TOM1: variants seen among roughly 807,000 people sequenced by gnomAD.
The protein encoded by TOM1 is target of myb1 membrane trafficking protein, also known as target of Myb protein 1.
TOM1 carries 38 observed loss-of-function variants against 61.3 expected under a neutral mutation model. That is an observed-to-expected ratio of 0.62 (90% confidence interval 0.48 to 0.81). The LOEUF (loss-of-function observed/expected upper bound fraction) is 0.81, where lower values mean the gene tolerates loss of function less well. Ranked by LOEUF, TOM1 falls within the 40% of genes least tolerant of loss-of-function variation. The pLI is 0.00. For synonymous variants in TOM1, 270 were observed against 268.8 expected (o/e 1.00, Z -0.04); for missense variants, 591 against 659.6 (o/e 0.90, Z 1.14).
intron 1 of TOM1, among the ~76,000 whole-genome samples, chr22:35,306,543 G>A (rs1030474738): frequency 3.9e-5 from 6 of 152,146 alleles, no homozygotes; most frequent in African/African-American, 1.4e-4. Context: ...TCTGAGTCCT[G>A]GTTCAGTCCT....
At chr22:35,341,316 C>G (rs1052554772) in intron 12 of TOM1, among the ~76,000 whole-genome samples, 1 of 152,244 alleles carries the variant, frequency 6.6e-6, no homozygotes, top group Non-Finnish European at 1.5e-5. Context: ...CGCAGTACCG[C>G]CATGTCCTCA....
At chr22:35,329,793 G>C (rs1486072939) in intron 7 of TOM1, among the ~76,000 whole-genome samples, 1 of 152,222 alleles carries the variant, frequency 6.6e-6, no homozygotes, top group African/African-American at 2.4e-5. Flanking sequence ...ACGAAGCCAA[G>C]TTAAACCGGC....
At chr22:35,300,911 G>C (rs1925705293) in intron 1 of TOM1, among the ~76,000 whole-genome samples, 1 of 151,858 alleles carries the variant, frequency 6.6e-6, no homozygotes, top group South Asian at 2.1e-4. Context: ...AAAAACAGTT[G>C]TAATATTTAT....
At chr22:35,321,845 C>A in intron 2 of TOM1, 114 bp from the exon 3 acceptor site, 2 of 898,232 alleles carry the variant, frequency 2.2e-6, no homozygotes, top group Non-Finnish European at 3.8e-6. Flanking sequence ...ATACACAAAA[C>A]AGGTGGGGCA....
At chr22:35,299,813 CCACCGCCCCGCCCACGCCTCCT>C, upstream of TOM1, 1 of 1,235,918 alleles carries the variant, frequency 8.1e-7, no homozygotes, top group African/African-American at 1.5e-5. Flanking sequence ...CTTCGCGGTG[CCACCGCCCCGCCCACGCCTCCT>C]CGCCGGCCTC....
At chr22:35,331,314 G>A (rs1270458895) in intron 8 of TOM1, 1 of 446,476 alleles carries the variant, frequency 2.2e-6, no homozygotes, top group South Asian at 1.6e-5. Flanking sequence ...GTCTCACTGT[G>A]TTGCCCAGGC....
At chr22:35,338,950 C>A (rs1178399552) in intron 12 of TOM1, among the ~76,000 whole-genome samples, 162 bp downstream of exon 12, 1 of 152,214 alleles carries the variant, frequency 6.6e-6, no homozygotes, top group Non-Finnish European at 1.5e-5. Context: ...TGTGGTTATT[C>A]CCAGTTTATA....
In TOM1 at chr22:35,323,899, A is replaced by G. The variant is rs1928081034; in HGVS notation, c.633A>G (p.Ala211=). The change falls in exon 6 of 15, where the codon GCA becomes GCG. Residue 211 remains alanine (A), a synonymous_variant. Coordinates refer to ENST00000449058, the MANE Select transcript of TOM1 (RefSeq NM_005488.3). This position sits in a 1 kb window ranked among gnomAD's most constrained non-coding sequence, Gnocchi z 4.2. ...TACTCTCCGGTGACACGCCCATAGC[A>G]CCAACCCCGGAACAGGTAAACGAGC... is the stretch of plus-strand genomic sequence containing the variant. ...PPILSGDTPI[A]PTPEQIGKLR... 6.3e-7 allele frequency: 1 copy of G among 1,577,738 alleles called. No homozygotes were observed. Among genetic ancestry groups the G allele is most frequent in the African/African-American group, 1.3e-5 (1 of 74,074 alleles).
intron 2 of TOM1, among the ~76,000 whole-genome samples, chr22:35,318,899 G>A (rs958286341): frequency 6.6e-6 from 1 of 152,230 alleles, no homozygotes; most frequent in Non-Finnish European, 1.5e-5. Context: ...CTCTCAGCCC[G>A]GGAGGGCTTT....
chr22:35,302,940 C>T (rs980975262), intron 1 of TOM1, among the ~76,000 whole-genome samples: 2 of 152,208 alleles, frequency 1.3e-5, no homozygotes, highest in Admixed American at 6.5e-5. Context: ...GCTTATAATT[C>T]TGTAAACCAG....
Position 35,341,825 on chromosome 22 carries a change from C to T in TOM1, c.1224+3037C>T, listed in dbSNP as rs372713079. ...AAACCGGTTATCACTGATTTATCTC[C>T]GATAACCTGGGAGATTTAAGCCACT... On this transcript the variant is annotated intron_variant, in intron 12 of 14. Coordinates refer to ENST00000449058, the MANE Select transcript of TOM1 (RefSeq NM_005488.3). 3.4e-4 allele frequency among the ~76,000 whole-genome samples: 52 copies of T among 152,274 alleles called. No individual in the cohort carries two copies. The South Asian group carries it at 7.1e-3, about 21-fold the overall frequency.
Position 35,338,799 on chromosome 22 carries a change from G to A in TOM1, c.1224+11G>A. ...CAGAGCACTGGCGCGGTAAGCAGAG[G>A]GGCCATCCTGCCACCCTGGGGCCCT... On this transcript the variant is annotated intron_variant, in intron 12 of 14. Transcript: ENST00000449058. 1.3e-6 allele frequency: 2 copies of A among 1,569,568 alleles called. No homozygotes were observed. The highest frequency in any genetic ancestry group is 1.7e-6 in the Non-Finnish European group (2 of 1,160,870).
At chr22:35,313,556 T>C (rs2145629301) in intron 1 of TOM1, among the ~76,000 whole-genome samples, 1 of 152,318 alleles carries the variant, frequency 6.6e-6, no homozygotes, top group South Asian at 2.1e-4. Flanking sequence ...CAGGCAGTCT[T>C]ATCCTGATTT....
chr22:35,336,593 C>T (rs1284985078), intron 11 of TOM1: 1 of 152,364 alleles, frequency 6.6e-6, no homozygotes, highest in Non-Finnish European at 1.5e-5. Flanking sequence ...TTCACAAAGG[C>T]AGGGGTGTCC....
chr22:35,335,891 C>T (rs1291310732), intron 11 of TOM1: 1 of 153,724 alleles, frequency 6.5e-6, no homozygotes, highest in African/African-American at 2.4e-5. Context: ...CCATTTCAGG[C>T]ACTAGGAACA....
intron 12 of TOM1, among the ~76,000 whole-genome samples, chr22:35,339,205 C>T (rs1267021865): frequency 6.6e-6 from 1 of 152,168 alleles, no homozygotes; most frequent in African/African-American, 2.4e-5. Flanking sequence ...GTGGCACATG[C>T]CTGTAATCCC....
intron 10 of TOM1, among the ~76,000 whole-genome samples, chr22:35,333,702 TG>T (rs1929036292): frequency 6.6e-6 from 1 of 152,130 alleles, no homozygotes; most frequent in South Asian, 2.1e-4. Context: ...TGAGCCGCCT[TG>T]GATCTCAGAA....
chr22:35,320,603 G>T (rs913800344), intron 2 of TOM1, among the ~76,000 whole-genome samples: 1 of 151,920 alleles, frequency 6.6e-6, no homozygotes, highest in Non-Finnish European at 1.5e-5. Flanking sequence ...CCCCCCAGGT[G>T]GTCCTTCCCA....
intron 13 of TOM1, among the ~76,000 whole-genome samples, chr22:35,346,475 C>T (rs1224012796): frequency 6.6e-6 from 1 of 152,226 alleles, no homozygotes; most frequent in Non-Finnish European, 1.5e-5. Context: ...CACCCCCTCC[C>T]TAGTTTGCAG....
Sources: gnomAD v4.1 joint callset for allele counts (sites outside exome capture counted in the v4.1 genomes callset) on GRCh38, gnomAD v4.1.1 for gene constraint, Gnocchi (gnomAD v3.1) non-coding constraint, MANE v1.5 for transcripts, NCBI Gene and HGNC (gene_info 2026-07-23, HGNC 2026-07-21) for gene names.